Variants in FLT4 observed in about 807,000 individuals in gnomAD.
FLT4 encodes the protein vascular endothelial growth factor receptor 3.
In FLT4, 30 loss-of-function variants were observed where a neutral mutation model predicts 163.2. The ratio of observed to expected loss-of-function variants is 0.18; its 90% CI spans 0.14 to 0.25. The LOEUF is 0.25. Among genes scored for constraint, FLT4 ranks in the 10% least tolerant of loss-of-function variants. The pLI is 1.00. For synonymous variants in FLT4, 884 were observed against 789.5 expected, an observed-to-expected ratio of 1.12 and a Z score of -2.01; for missense variants, 1,510 against 1,863.8, an observed-to-expected ratio of 0.81 and a Z score of 3.50.
chr5:180,603,624 G>C (rs1380438757), intron 29 of FLT4, among the ~76,000 whole-genome samples: 1 of 152,338 alleles, frequency 6.6e-6, no homozygotes. Flanking sequence ...GCTTGAGGCC[G>C]GGTGCGGTGG....
At chr5:180,645,985 T>C (rs1015685304) in intron 1 of FLT4, among the ~76,000 whole-genome samples, 3 of 152,118 alleles carry the variant, frequency 2.0e-5, no homozygotes, top group Admixed American at 6.5e-5. Context: ...AAAACTGCCC[T>C]GTGGAGGAAA....
Position 180,620,543 on chromosome 5 carries a change from C to T in FLT4, c.2406+66G>A, listed in dbSNP as rs940662759. ...CTAGGGCGGGCACCTTATTCTTTAT[C>T]TTAGGGGCGGCCAGGGTGGGGAAGG... On this transcript the variant is annotated intron_variant, in intron 16 of 29. Transcript: ENST00000261937. This position sits in a 1 kb window ranked among gnomAD's most constrained non-coding sequence, Gnocchi z 4.4. 9 of 1,356,764 alleles carry T rather than the reference C, an allele frequency of 6.6e-6. No homozygotes were observed. Among genetic ancestry groups the T allele is most frequent in the Non-Finnish European group, 9.4e-6 (9 of 952,576 alleles). 84.0% of individuals were successfully genotyped at this position (1,356,764 alleles called of 1,614,324 possible). A position where few individuals can be genotyped will look rare whatever the true frequency, so the allele number is the denominator to read the frequency against.
chr5:180,649,609 G>A, upstream of FLT4: 1 of 1,031,302 alleles, frequency 9.7e-7, no homozygotes. Context: ...GTGTCCGCGC[G>A]GGCGCCGGCT....
Position 180,603,176 on chromosome 5 carries a change from T to C in FLT4, c.*16A>G, listed in dbSNP as rs1275481899. ...GGCCTGAACCCCCAAGTGCTGGGGG[T>C]CTTGTCCGATGCTGCTTAGTAGCTG... On this transcript the variant is annotated 3_prime_UTR_variant, in exon 30 of 30. Transcript: ENST00000261937. 1.2e-6 allele frequency: 2 copies of C among 1,612,916 alleles called. No homozygotes were observed. The highest frequency in any genetic ancestry group is 1.7e-6 in the Non-Finnish European group (2 of 1,179,780).
chr5:180,610,123 A>AC (rs1762058169), intron 27 of FLT4, 98 bp from the exon 28 acceptor site: 2 of 1,571,174 alleles, frequency 1.3e-6, no homozygotes, highest in African/African-American at 1.4e-5. Flanking sequence ...CCTGGAAAGG[A>AC]CCCCCCGCCT....
chr5:180,626,523 T>C (rs577954814), intron 8 of FLT4, among the ~76,000 whole-genome samples: 1 of 152,292 alleles, frequency 6.6e-6, no homozygotes, highest in East Asian at 1.9e-4. Context: ...ACCTCCTGCC[T>C]TGCCCCAAAG....
intron 27 of FLT4, among the ~76,000 whole-genome samples, chr5:180,610,880 A>AC (rs1762119964): frequency 6.6e-6 from 1 of 152,074 alleles, no homozygotes; most frequent in Admixed American, 6.6e-5. Flanking sequence ...ACACGGTGAA[A>AC]CCCCGTCTCT....
At chr5:180,643,699 T>G (rs907275038) in intron 1 of FLT4, among the ~76,000 whole-genome samples, 15 of 151,894 alleles carry the variant, frequency 9.9e-5, no homozygotes, top group Admixed American at 7.9e-4. Context: ...GAACAGCCCC[T>G]CCCCACCTCT....
At chr5:180,621,283 G>A (rs747342953) in intron 13 of FLT4, 31 bp from the exon 14 acceptor site, 5 of 1,601,092 alleles carry the variant, frequency 3.1e-6, no homozygotes, top group Non-Finnish European at 3.4e-6. Context: ...GGAGCTAAGT[G>A]GAGCTGCACT....
In FLT4 at chr5:180,636,186, T is replaced by C. The variant is rs990474481; in HGVS notation, c.59-4408A>G. Among the ~76,000 whole-genome samples, 5 of 152,066 alleles carry C rather than the reference T, an allele frequency of 3.3e-5. No homozygotes were observed. Among genetic ancestry groups the C allele is most frequent in the South Asian group, 2.1e-4 (1 of 4,816 alleles). On this transcript the variant is annotated intron_variant, in intron 1 of 29. Coordinates refer to ENST00000261937, the MANE Select transcript of FLT4 (RefSeq NM_182925.5). This position sits in a 1 kb window ranked among gnomAD's most constrained non-coding sequence, Gnocchi z 4.3. The stretch of plus-strand genomic sequence containing the variant: ...CCTTTTGCCCATCCACGCAAGCTTT[T>C]TCATGACATGTCTCCTTTTTCATGA...
intron 1 of FLT4, among the ~76,000 whole-genome samples, chr5:180,646,967 G>A (rs138686460): frequency 7.9e-4 from 121 of 152,280 alleles, no homozygotes; most frequent in Middle Eastern, 6.8e-3. Context: ...CGAGTCCTCA[G>A]AGCCCTGAGC....
intron 10 of FLT4, 132 bp downstream of exon 10, chr5:180,625,737 A>C: frequency 1.2e-6 from 1 of 840,412 alleles, no homozygotes; most frequent in South Asian, 1.5e-5. Flanking sequence ...GTAGGGTTCA[A>C]GTTCAGAGCA....
intron 1 of FLT4, among the ~76,000 whole-genome samples, chr5:180,646,729 A>T (rs1215690175): frequency 6.6e-6 from 1 of 151,960 alleles, no homozygotes; most frequent in African/African-American, 2.4e-5. Flanking sequence ...GCCACCCCGA[A>T]CAGGCACTAT....
rs772310898 is a variant in FLT4 at position 180,608,997 on chromosome 5, C to T, written c.3864G>A (p.Glu1288=). 5 of 1,614,214 alleles carry T rather than the reference C, an allele frequency of 3.1e-6. No homozygotes were observed. The East Asian group carries it at 1.1e-4, about 36-fold the overall frequency. ...VLASEEFEQI[E]SRHRQESGFS... is the part of the protein sequence containing the mutation. Reference sequence around the variant, plus strand: ...AGCCGCTTTCTTGTCTATGCCTGCTCTCTATCTGCTCAAACTCCTCCGAGG... The same window carrying T: ...AGCCGCTTTCTTGTCTATGCCTGCTTTCTATCTGCTCAAACTCCTCCGAGG... Residue 1288 remains glutamate (E), a synonymous_variant, in exon 29 of 30, where the codon GAG becomes GAA. Coordinates refer to ENST00000261937, the MANE Select transcript of FLT4 (RefSeq NM_182925.5).
rs79676169 is a variant in FLT4, at chr5:180,621,972, C to T, written c.1658-68G>A. The T allele has an allele frequency of 1.6e-3, 2,525 of 1,576,970 alleles. 3 individuals are homozygous for T. The highest frequency in any genetic ancestry group is 2.0e-3 in the Admixed American group (111 of 56,428). On this transcript the variant is annotated intron_variant, in intron 12 of 29. Coordinates refer to ENST00000261937, the MANE Select transcript of FLT4 (RefSeq NM_182925.5). The stretch of plus-strand genomic sequence containing the variant: ...TTGCTCCCCCATCCACCTGCCGCCC[C>T]GGGGTCTCCTCCTGCCTCCCTCCCT...
chr5:180,641,922 C>G (rs1354768052), intron 1 of FLT4, among the ~76,000 whole-genome samples: 1 of 152,146 alleles, frequency 6.6e-6, no homozygotes, highest in Non-Finnish European at 1.5e-5. Context: ...TAAGAATAAA[C>G]TGTCGGCTGG....
chr5:180,608,863 G>T, intron 29 of FLT4, 105 bp downstream of exon 29: 1 of 1,016,790 alleles, frequency 9.8e-7, no homozygotes. Context: ...AGGGAGCCAC[G>T]AAAGGTTCCG....
At chr5:180,612,726 C>T (rs1762312748) in intron 25 of FLT4, 115 bp from the exon 26 acceptor site, 3 of 778,956 alleles carry the variant, frequency 3.9e-6, no homozygotes, top group Non-Finnish European at 4.6e-6. Context: ...TGACACGTCT[C>T]CCACTCTTGT....
intron 8 of FLT4, 84 bp downstream of exon 8, chr5:180,628,798 C>T (rs1021105573): frequency 4.1e-6 from 4 of 971,422 alleles, no homozygotes; most frequent in East Asian, 4.8e-5. Context: ...ACGGGGAGGA[C>T]GCTGCCCGTC....
Sources: gnomAD v4.1 joint callset for allele counts (sites outside exome capture counted in the v4.1 genomes callset) on GRCh38, gnomAD v4.1.1 for gene constraint, Gnocchi (gnomAD v3.1) non-coding constraint, MANE v1.5 for transcripts, NCBI Gene and HGNC (gene_info 2026-07-23, HGNC 2026-07-21) for gene names.